The following CLSTN3 variants were observed in gnomAD, a reference collection of about 807,000 sequenced individuals.
CLSTN3 encodes calsyntenin-3.
In CLSTN3, 36 loss-of-function variants were observed where a neutral mutation model predicts 95.9. The ratio of observed to expected loss-of-function variants is 0.38; its 90% confidence interval spans 0.29 to 0.50. The LOEUF (loss-of-function observed/expected upper bound fraction) is 0.50, where lower values mean the gene tolerates loss of function less well. CLSTN3 is among the 20% of genes least tolerant of loss of function. The pLI is 0.95. For missense variants in CLSTN3, 1,084 were observed against 1,268.8 expected (o/e 0.85, Z 2.21); for synonymous variants, 481 against 504.0 (o/e 0.95, Z 0.61).
At chr12:7,135,995 T>C (rs1355668526) in intron 5 of CLSTN3, 42 bp downstream of exon 5, 1 of 1,563,794 alleles carries the variant, frequency 6.4e-7, no homozygotes, top group East Asian at 2.2e-5. Flanking sequence ...AATCATCTTT[T>C]TTCTTGGTCT....
intron 16 of CLSTN3, among the ~76,000 whole-genome samples, chr12:7,153,139 T>C (rs1433482366): frequency 6.6e-6 from 1 of 152,138 alleles, no homozygotes; most frequent in Non-Finnish European, 1.5e-5. Flanking sequence ...TTCCTTGCTG[T>C]CCCTGAAAAC....
chr12:7,151,633 T>G (rs1939725279), intron 16 of CLSTN3, among the ~76,000 whole-genome samples: 1 of 152,130 alleles, frequency 6.6e-6, no homozygotes, highest in Non-Finnish European at 1.5e-5. Flanking sequence ...AAAGCTGCCC[T>G]TCAAAGCAAC....
intron 1 of CLSTN3, chr12:7,131,728 T>C (rs1350195137): frequency 2.7e-5 from 12 of 451,256 alleles, no homozygotes; most frequent in South Asian, 1.4e-4. Context: ...CTTGCCTGCA[T>C]CTCTGACCTC....
chr12:7,135,227 G>A (rs945256331), intron 3 of CLSTN3, 100 bp from the exon 4 acceptor site: 3 of 1,126,182 alleles, frequency 2.7e-6, no homozygotes, highest in African/African-American at 3.0e-5. Flanking sequence ...GTACCGTATC[G>A]AGGCTGTACC....
chr12:7,148,701 A>T (rs762102479), intron 12 of CLSTN3, among the ~76,000 whole-genome samples: 1 of 152,288 alleles, frequency 6.6e-6, no homozygotes, highest in South Asian at 2.1e-4. Flanking sequence ...GGGGTAGGGC[A>T]TTGATGGTGT....
rs755050244 is a variant in CLSTN3, at chr12:7,130,798, C to A, written c.64+86C>A. The A allele has an allele frequency of 4.9e-6, 6 of 1,229,050 alleles. No individual in the cohort carries two copies. In the East Asian group the frequency reaches 1.5e-4, roughly 31 times the overall value. 76.1% of individuals were successfully genotyped at this position (1,229,050 alleles called of 1,614,324 possible). ...GGGGTGGGAAGGAGGTGTCGAGGCT[C>A]CCTGGCACCTGACAGGTGTCTGGCC... On this transcript the variant is annotated intron_variant, in intron 1 of 17. Transcript: ENST00000266546.
At position 7,136,941 on chromosome 12, in the gene CLSTN3, T is replaced by G. The variant is rs773330447; in HGVS notation, c.1041T>G (p.Asn347Lys). Residue 347 changes from asparagine (N) to lysine (K), a missense_variant, in exon 7 of 18, where the codon AAT becomes AAG. By Grantham distance (94) the Asn-to-Lys change is moderately conservative (BLOSUM62 0). Transcript: ENST00000266546. ...ACAGCAGCCTGATCTACTGGTTCAA[T>G]GGCACCCAGGCTGTGCAGGTGCCCC... ...SQDSSLIYWF[N>K]GTQAVQVPLG... is the part of the protein sequence containing the mutation. The G allele has an allele frequency of 5.0e-6, 8 of 1,614,192 alleles. No individual in the cohort carries two copies. The highest frequency in any genetic ancestry group is 6.8e-6 in the Non-Finnish European group (8 of 1,180,026).
chr12:7,156,437 G>A (rs1220894903), intron 16 of CLSTN3: 2 of 456,936 alleles, frequency 4.4e-6, no homozygotes, highest in Non-Finnish European at 4.4e-6. Context: ...CTTCCTTCAG[G>A]GGGTTGCCTG....
upstream of CLSTN3, chr12:7,130,289 G>T: frequency 1.5e-6 from 1 of 661,480 alleles, no homozygotes; most frequent in South Asian, 2.7e-5. Context: ...TCCCTCCCCC[G>T]CTGCAGCACC....
At position 7,150,437 on chromosome 12, in the gene CLSTN3, C is replaced by T; in HGVS notation, c.2246-107C>T. ...GCACTTCTGCGGAGATGGGGCTGAC[C>T]TGCTCTACAGCTTGTGTGGCGTCAG... On this transcript the variant is annotated intron_variant, in intron 14 of 17. Coordinates refer to ENST00000266546, the MANE Select transcript of CLSTN3 (RefSeq NM_014718.4). The surrounding 1 kb of genome is among the most constrained non-coding windows in gnomAD (Gnocchi z 4.0). 1 of 1,369,168 alleles carries T rather than the reference C, an allele frequency of 7.3e-7. No homozygotes were observed. The highest frequency in any genetic ancestry group is 1.4e-5 in the African/African-American group (1 of 69,958). 84.8% of individuals were successfully genotyped at this position (1,369,168 alleles called of 1,614,324 possible).
chr12:7,141,483 C>T lies in CLSTN3; in HGVS notation c.1486+79C>T. On this transcript the variant is annotated intron_variant, in intron 9 of 17. Coordinates refer to ENST00000266546, the MANE Select transcript of CLSTN3 (RefSeq NM_014718.4). This position sits in a 1 kb window ranked among gnomAD's most constrained non-coding sequence, Gnocchi z 4.1. ...CTGGTGAGGAGCAAGGGCAGTCTGACCCAGCAGCTGAGGCCGCCTCCTGCA... is the reference window on the plus strand; with the variant it reads ...CTGGTGAGGAGCAAGGGCAGTCTGATCCAGCAGCTGAGGCCGCCTCCTGCA... The T allele has an allele frequency of 6.7e-7, 1 of 1,498,812 alleles. No homozygotes were observed. The highest frequency in any genetic ancestry group is 9.3e-7 in the Non-Finnish European group (1 of 1,078,256). 92.8% of individuals were successfully genotyped at this position (1,498,812 alleles called of 1,614,324 possible).
chr12:7,138,094 G>C, intron 8 of CLSTN3, 27 bp downstream of exon 8: 1 of 1,562,704 alleles, frequency 6.4e-7, no homozygotes, highest in Non-Finnish European at 8.8e-7. Context: ...GCTCCTGGGA[G>C]GGCTGAGTAG....
chr12:7,151,499 C>G (rs1195612739), intron 16 of CLSTN3, among the ~76,000 whole-genome samples: 1 of 152,182 alleles, frequency 6.6e-6, no homozygotes, highest in African/African-American at 2.4e-5. Flanking sequence ...CAGTCCCTAT[C>G]CCCAAGGAGA....
rs745737219 is a variant in CLSTN3, at chr12:7,130,497, G to T, written c.-152G>T. The T allele has an allele frequency of 5.1e-5, 78 of 1,531,586 alleles. No individual in the cohort carries two copies. In the African/African-American group the frequency reaches 8.1e-4, roughly 16 times the overall value. 94.9% of individuals were successfully genotyped at this position (1,531,586 alleles called of 1,614,324 possible). On this transcript the variant is annotated 5_prime_UTR_variant, in exon 1 of 18. Coordinates refer to ENST00000266546, the MANE Select transcript of CLSTN3 (RefSeq NM_014718.4). ...GGGATCTGCCCAGGCCCGCTTTATG[G>T]ACTAGTGTGGGCGGCAGGCTCCTTT...
chr12:7,138,313 G>A (rs1456133533), intron 8 of CLSTN3, among the ~76,000 whole-genome samples: 1 of 151,552 alleles, frequency 6.6e-6, no homozygotes, highest in Non-Finnish European at 1.5e-5. Context: ...CACCAAAGTC[G>A]ACCAACCATC....
chr12:7,154,663 G>C (rs1274771552), intron 16 of CLSTN3, among the ~76,000 whole-genome samples: 1 of 152,066 alleles, frequency 6.6e-6, no homozygotes, highest in Admixed American at 6.5e-5. Context: ...AGAATGTCTA[G>C]GGGGTGGGAG....
rs1356904354 is a variant in CLSTN3 at position 7,158,090 on chromosome 12, C to T, written c.*9C>T. ...CCCCACACCGCTACTAAGGCCTACA[C>T]CTCTCCCCACGCAGAGGGGGAATTC... On this transcript the variant is annotated 3_prime_UTR_variant, in exon 18 of 18. Transcript: ENST00000266546. 6.7e-7 allele frequency: 1 copy of T among 1,498,726 alleles called. No homozygotes were observed. Among genetic ancestry groups the T allele is most frequent in the Admixed American group, 2.1e-5 (1 of 46,838 alleles). The allele number at this position is 1,498,726 out of a possible 1,614,324, so 92.8% of individuals were successfully genotyped here. A position where few individuals can be genotyped will look rare whatever the true frequency, so the allele number is the denominator to read the frequency against.
intron 12 of CLSTN3, among the ~76,000 whole-genome samples, chr12:7,145,329 G>A (rs772297742): frequency 1.4e-4 from 19 of 138,658 alleles, no homozygotes; most frequent in Non-Finnish European, 2.5e-4. Flanking sequence ...CTGAGGTCAC[G>A]GGAGAAAATA....
At chr12:7,147,340 A>T (rs1939635977) in intron 12 of CLSTN3, among the ~76,000 whole-genome samples, 1 of 124,590 alleles carries the variant, frequency 8.0e-6, no homozygotes, top group Non-Finnish European at 1.6e-5. Flanking sequence ...CAGAGGTTGC[A>T]GTGAGCTGAG....
Sources: allele counts gnomAD v4.1 joint callset (sites outside exome capture counted in the v4.1 genomes callset), GRCh38; gene constraint gnomAD v4.1.1; non-coding constraint Gnocchi (gnomAD v3.1); transcripts MANE v1.5; gene names NCBI Gene and HGNC (gene_info 2026-07-23, HGNC 2026-07-21).